The following SCPEP1 variants were observed in gnomAD, a reference collection of about 807,000 sequenced individuals.
The protein encoded by SCPEP1 is retinoid-inducible serine carboxypeptidase.
SCPEP1 carries 51 observed loss-of-function variants against 63.8 expected under a neutral mutation model. The observed-to-expected ratio is 0.80, with a 90% CI of 0.64 to 1.01. The LOEUF (loss-of-function observed/expected upper bound fraction) is 1.01. SCPEP1 is among the 50% of genes least tolerant of loss of function. The pLI is 0.00. For missense variants in SCPEP1, 499 were observed against 554.9 expected (o/e 0.90, Z 1.01); for synonymous variants, 204 against 207.8 (o/e 0.98, Z 0.16).
At chr17:56,995,352 A>T (rs919103182) in intron 7 of SCPEP1, 155 bp from the exon 8 acceptor site, 1 of 751,520 alleles carries the variant, frequency 1.3e-6, no homozygotes, top group East Asian at 2.6e-5. Context: ...GCTGTGTTTC[A>T]TCCAATAAAC....
chr17:56,989,685 G>A (rs1329979315), intron 5 of SCPEP1, among the ~76,000 whole-genome samples: 1 of 152,214 alleles, frequency 6.6e-6, no homozygotes, highest in Admixed American at 6.5e-5. Flanking sequence ...GGTGGCTCAT[G>A]CCTGTAATCC....
At chr17:56,988,703 A>G (rs1911298516) in intron 5 of SCPEP1, among the ~76,000 whole-genome samples, 1 of 151,940 alleles carries the variant, frequency 6.6e-6, no homozygotes, top group South Asian at 2.1e-4. Flanking sequence ...GGAGACAAAT[A>G]CCTATCACTT....
At chr17:56,987,526 C>G in intron 3 of SCPEP1, 169 bp from the exon 4 acceptor site, 2 of 425,036 alleles carry the variant, frequency 4.7e-6, no homozygotes, top group Non-Finnish European at 3.6e-6. Flanking sequence ...GTTTTTTTTT[C>G]TATGTTCCTG....
intron 6 of SCPEP1, among the ~76,000 whole-genome samples, chr17:56,991,561 A>C (rs528276595): frequency 6.9e-4 from 105 of 152,276 alleles, no homozygotes; most frequent in African/African-American, 2.3e-3. Flanking sequence ...ATGCTGACAT[A>C]AGTGTTTGGG....
rs376195414 is a variant in SCPEP1 at position 57,006,274 on chromosome 17, G to A, written c.*39G>A. The A allele has an allele frequency of 2.1e-5, 33 of 1,554,212 alleles. No homozygotes were observed. The highest frequency in any genetic ancestry group is 2.8e-5 in the Non-Finnish European group (32 of 1,134,270). On this transcript the variant is annotated 3_prime_UTR_variant, in exon 13 of 13. Transcript: ENST00000262288. The stretch of plus-strand genomic sequence containing the variant: ...GGAGATGAGCTGGTTTGGCCTTGGG[G>A]CACAGAGCTGAGCTGAGGCCGCTGA...
In SCPEP1 at chr17:56,995,419, T is replaced by A. The variant is rs904735967; in HGVS notation, c.658-88T>A. 2.0e-5 allele frequency: 28 copies of A among 1,423,770 alleles called. No homozygotes were observed. In the Admixed American group the frequency reaches 2.3e-4, roughly 12 times the overall value. 88.2% of individuals were successfully genotyped at this position (1,423,770 alleles called of 1,614,324 possible). ...GAGCTCCCGTTCTCCTTCCTTCCCC[T>A]CTTTCTCCTACCCCTCCCTAACTGC... On this transcript the variant is annotated intron_variant, in intron 7 of 12. Transcript: ENST00000262288.
chr17:56,980,817 T>G (rs1200442884), intron 1 of SCPEP1, among the ~76,000 whole-genome samples: 1 of 151,338 alleles, frequency 6.6e-6, no homozygotes, highest in African/African-American at 2.4e-5. Flanking sequence ...AAAAAAGTGT[T>G]TCATATTTAT....
chr17:56,979,021 G>T (rs1910994034), intron 1 of SCPEP1, among the ~76,000 whole-genome samples: 1 of 152,184 alleles, frequency 6.6e-6, no homozygotes, highest in Admixed American at 6.5e-5. Flanking sequence ...CATTCTCAAG[G>T]GAGCGCAGCC....
chr17:57,005,885 T>C (rs1911876373), intron 12 of SCPEP1, among the ~76,000 whole-genome samples: 2 of 152,192 alleles, frequency 1.3e-5, no homozygotes, highest in South Asian at 4.1e-4. Flanking sequence ...GCATGACCCT[T>C]ACCAAGAAAT....
At chr17:56,997,173 T>A (rs1230509071) in intron 9 of SCPEP1, 118 bp downstream of exon 9, 4 of 603,518 alleles carry the variant, frequency 6.6e-6, no homozygotes, top group Non-Finnish European at 1.1e-5. Flanking sequence ...TAAAATTAAC[T>A]CACTGTAAGT....
chr17:56,978,805 G>T (rs1011220680), intron 1 of SCPEP1, among the ~76,000 whole-genome samples: 1 of 152,170 alleles, frequency 6.6e-6, no homozygotes, highest in African/African-American at 2.4e-5. Flanking sequence ...CTGAGAATTG[G>T]AACTGGCCAC....
In SCPEP1 at chr17:57,005,865, A is replaced by G. The variant is rs3803758; in HGVS notation, c.1297-308A>G. Among the ~76,000 whole-genome samples the G allele has an allele frequency of 2.0e-5, 3 of 152,316 alleles. No homozygotes were observed. In the East Asian group the frequency reaches 5.8e-4, roughly 29 times the overall value. On this transcript the variant is annotated intron_variant, in intron 12 of 12. Transcript: ENST00000262288. ...CTTCTTCCTTGAACAGGCTAGGTCT[A>G]GTATCATTAGCATGACCCTTACCAA...
chr17:56,978,834 T>C (rs1326940970), intron 1 of SCPEP1, among the ~76,000 whole-genome samples: 1 of 152,196 alleles, frequency 6.6e-6, no homozygotes, highest in Non-Finnish European at 1.5e-5. Flanking sequence ...CTTGTGACCT[T>C]AGGCAAGTTG....
At chr17:57,001,878 C>A in intron 11 of SCPEP1, 140 bp from the exon 12 acceptor site, 1 of 871,928 alleles carries the variant, frequency 1.1e-6, no homozygotes, top group Admixed American at 2.4e-5. Flanking sequence ...TCTTCTGAAT[C>A]AGAATTTGCA....
chr17:56,996,944 T>G lies in SCPEP1; in HGVS notation c.787-18T>G. 6.4e-7 allele frequency: 1 copy of G among 1,561,874 alleles called. No homozygotes were observed. Among genetic ancestry groups the G allele is most frequent in the Non-Finnish European group, 8.7e-7 (1 of 1,143,810 alleles). On this transcript the variant is annotated intron_variant, in intron 8 of 12. Transcript: ENST00000262288. ...TAGGAAAATGAAACAAACAGCCAAA[T>G]AAACTTTTATATTTCAGAACACAGA... is the stretch of plus-strand genomic sequence containing the variant.
chr17:56,995,805 T>A (rs931456272), intron 8 of SCPEP1, 170 bp downstream of exon 8: 2 of 584,346 alleles, frequency 3.4e-6, no homozygotes, highest in Non-Finnish European at 5.0e-6. Flanking sequence ...ATGTAGTGGC[T>A]CCTTACAGAG....
chr17:56,995,281 C>T, intron 7 of SCPEP1: 1 of 571,886 alleles, frequency 1.7e-6, no homozygotes, highest in Non-Finnish European at 3.0e-6. Context: ...CAAAAATTTT[C>T]AAATATGCAG....
intron 2 of SCPEP1, among the ~76,000 whole-genome samples, chr17:56,982,560 G>A (rs984681772): frequency 1.3e-5 from 2 of 152,122 alleles, no homozygotes; most frequent in African/African-American, 2.4e-5. Context: ...ACAAAGGTGC[G>A]GCACAATTGG....
intron 5 of SCPEP1, among the ~76,000 whole-genome samples, chr17:56,989,883 G>A (rs1027146698): frequency 1.3e-5 from 2 of 152,046 alleles, no homozygotes; most frequent in African/African-American, 4.8e-5. Flanking sequence ...GGGAGCAGAG[G>A]TTGCAGTGAG....
Sources: allele counts gnomAD v4.1 joint callset (sites outside exome capture counted in the v4.1 genomes callset), GRCh38; gene constraint gnomAD v4.1.1; transcripts MANE v1.5; gene names NCBI Gene and HGNC (gene_info 2026-07-23, HGNC 2026-07-21).